Variants in PPP3CB observed in about 807,000 individuals in gnomAD.
PPP3CB encodes serine/threonine-protein phosphatase 2B catalytic subunit beta isoform.
Under a neutral mutation model 66.4 loss-of-function variants are expected in PPP3CB, and 8 were observed. The observed-to-expected ratio is 0.12, with a 90% CI of 0.07 to 0.22. PPP3CB has a LOEUF of 0.22. Among genes scored for constraint, PPP3CB ranks in the 10% least tolerant of loss-of-function variants. The pLI is 1.00. For synonymous variants in PPP3CB, 208 were observed against 221.2 expected (o/e 0.94, Z 0.53); for missense variants, 319 against 642.5 (o/e 0.50, Z 5.44).
chr10:73,440,326 A>C (rs527611212), intron 12 of PPP3CB, among the ~76,000 whole-genome samples: 35 of 152,318 alleles, frequency 2.3e-4, no homozygotes, highest in African/African-American at 7.7e-4. Flanking sequence ...AGCAAACAGA[A>C]AAGTCTTTTC....
At chr10:73,471,236 G>A in intron 5 of PPP3CB, 27 bp from the exon 6 acceptor site, 1 of 1,567,104 alleles carries the variant, frequency 6.4e-7, no homozygotes, top group Non-Finnish European at 8.7e-7. Flanking sequence ...AGAAAGAACA[G>A]AAGTAACTCA....
chr10:73,483,511 C>A (rs1339867009), intron 1 of PPP3CB, among the ~76,000 whole-genome samples: 1 of 151,884 alleles, frequency 6.6e-6, no homozygotes, highest in Non-Finnish European at 1.5e-5. Context: ...AAAAAATTAG[C>A]CAGGCATGGT....
intron 12 of PPP3CB, among the ~76,000 whole-genome samples, chr10:73,441,517 T>A (rs2056148613): frequency 6.6e-6 from 1 of 152,152 alleles, no homozygotes; most frequent in Non-Finnish European, 1.5e-5. Flanking sequence ...AGCAGGAAGA[T>A]CACTTGAGCC....
Position 73,495,839 on chromosome 10 carries a change from CG to C in PPP3CB, c.50del (p.Pro17ArgfsTer22). The C allele has an allele frequency of 3.8e-6, 2 of 521,802 alleles. No homozygotes were observed. Among genetic ancestry groups the C allele is most frequent in the Admixed American group, 3.9e-5 (1 of 25,504 alleles). 32.3% of individuals were successfully genotyped at this position (521,802 alleles called of 1,614,324 possible). ...CGCGGTCAGCCCCGGGAGGGGGCGG[CG>C]GGGGCGGGGGTGGGGGCGGTGCAGC... ...ARAAPPPPPPPPPPPGADRVV... is the reference protein window; with the variant it reads ...ARAAPPPPPPXPPPPGADRVV... On this transcript the variant is annotated frameshift_variant, in exon 1 of 14. Transcript: ENST00000360663. LOFTEE classifies it high-confidence loss of function.
At chr10:73,467,395 C>T in intron 9 of PPP3CB, 158 bp downstream of exon 9, 1 of 478,534 alleles carries the variant, frequency 2.1e-6, no homozygotes. Context: ...ACTAAAATAT[C>T]TTTGAGACTC....
At chr10:73,443,737 G>A (rs1210469565) in intron 12 of PPP3CB, 4 of 152,014 alleles carry the variant, frequency 2.6e-5, no homozygotes, top group East Asian at 1.9e-4. Context: ...AAATATTTAC[G>A]CCAAAAAAAG....
chr10:73,460,231 C>T (rs562928029), intron 9 of PPP3CB, among the ~76,000 whole-genome samples: 8 of 122,066 alleles, frequency 6.6e-5, no homozygotes, highest in Non-Finnish European at 8.0e-5. Flanking sequence ...CATCCAGAAA[C>T]TTGGCTTCTG....
At chr10:73,462,988 T>C (rs931777525) in intron 9 of PPP3CB, among the ~76,000 whole-genome samples, 6 of 103,772 alleles carry the variant, frequency 5.8e-5, no homozygotes, top group African/African-American at 2.1e-4. Context: ...AGGAAGAAAA[T>C]GACATACTGA....
chr10:73,489,429 T>C (rs1179694933), intron 1 of PPP3CB, among the ~76,000 whole-genome samples: 1 of 151,972 alleles, frequency 6.6e-6, no homozygotes, highest in African/African-American at 2.4e-5. Context: ...ATAATAATAA[T>C]AATGGTGATG....
chr10:73,458,615 T>C (rs866584557), intron 9 of PPP3CB, among the ~76,000 whole-genome samples: 1 of 151,506 alleles, frequency 6.6e-6, no homozygotes, highest in African/African-American at 2.4e-5. Context: ...CTGGGCAACA[T>C]GGCGAAACCC....
In PPP3CB at chr10:73,492,189, T is replaced by G. The variant is rs187029642; in HGVS notation, c.85+3616A>C. Among the ~76,000 whole-genome samples the G allele has an allele frequency of 2.0e-5, 3 of 152,266 alleles. No homozygotes were observed. In the East Asian group the frequency reaches 5.8e-4, roughly 29 times the overall value. On this transcript the variant is annotated intron_variant, in intron 1 of 13. Coordinates refer to ENST00000360663, the MANE Select transcript of PPP3CB (RefSeq NM_021132.4). ...TGGTTCAATCTGAAAGTCTGATAAT[T>G]TGAGGTTACTATAACCCATGAAATA... is the stretch of plus-strand genomic sequence containing the variant.
intron 1 of PPP3CB, among the ~76,000 whole-genome samples, chr10:73,489,946 T>TA (rs772634941): frequency 4.5e-4 from 68 of 151,988 alleles, no homozygotes; most frequent in Non-Finnish European, 8.1e-4. Flanking sequence ...TCCCTCAAAG[T>TA]AAGATAGCCA....
Position 73,438,350 on chromosome 10 carries a change from A to G in PPP3CB, c.1467T>C (p.Asn489=). Residue 489 remains asparagine (N), a synonymous_variant, in exon 14 of 14, where the codon AAT becomes AAC. Transcript: ENST00000360663. ...CATCTTTCCGAGGTGGCATTCTCTC[A>G]TTGATCCTATCCAAACCCTTTGCCT... is the stretch of plus-strand genomic sequence containing the variant. ...FEEAKGLDRI[N]ERMPPRKDAV... 6.2e-7 allele frequency: 1 copy of G among 1,613,810 alleles called. No individual in the cohort carries two copies. The highest frequency in any genetic ancestry group is 8.5e-7 in the Non-Finnish European group (1 of 1,179,698).
chr10:73,454,163 CCTTAT>C (rs954919890), intron 10 of PPP3CB, among the ~76,000 whole-genome samples: 5 of 152,112 alleles, frequency 3.3e-5, no homozygotes, highest in African/African-American at 1.2e-4. Context: ...ATTTTCCTTT[CCTTAT>C]CTTCTTTCTT....
At chr10:73,473,008 A>AT (rs2056727846) in intron 4 of PPP3CB, among the ~76,000 whole-genome samples, 1 of 152,188 alleles carries the variant, frequency 6.6e-6, no homozygotes, top group African/African-American at 2.4e-5. Flanking sequence ...TAATATTCAA[A>AT]TATTAAAAAA....
chr10:73,493,678 A>G (rs1246184181), intron 1 of PPP3CB, among the ~76,000 whole-genome samples: 1 of 152,218 alleles, frequency 6.6e-6, no homozygotes, highest in Non-Finnish European at 1.5e-5. Context: ...TGGTTAACAA[A>G]TTCCATAAAG....
intron 9 of PPP3CB, among the ~76,000 whole-genome samples, chr10:73,459,165 C>T (rs748060645): frequency 3.0e-4 from 45 of 151,904 alleles, no homozygotes; most frequent in Non-Finnish European, 2.5e-4. Flanking sequence ...TATGACCCAG[C>T]AATTTCACTC....
rs2056258000 is a variant in PPP3CB, at chr10:73,446,487, A to G, written c.1268+5T>C. The G allele has an allele frequency of 6.2e-7, 1 of 1,601,348 alleles. No individual in the cohort carries two copies. ...AAACAAATAATCAAGAAAATATATCATTACCTGAGAACAGAGAAGACTCTT... is the reference window on the plus strand; with the variant it reads ...AAACAAATAATCAAGAAAATATATCGTTACCTGAGAACAGAGAAGACTCTT... On this transcript the variant is annotated splice_donor_5th_base_variant and intron_variant, in intron 11 of 13. Transcript: ENST00000360663.
Position 73,438,233 on chromosome 10 carries a change from A to C in PPP3CB, c.*9T>G. The stretch of plus-strand genomic sequence containing the variant: ...GCCCGAGATGTGAGAGTCCCTGGGA[A>C]GTAGTGGGTCACTGGGCAGTATGGT... On this transcript the variant is annotated 3_prime_UTR_variant, in exon 14 of 14. Coordinates refer to ENST00000360663, the MANE Select transcript of PPP3CB (RefSeq NM_021132.4). 6.2e-7 allele frequency: 1 copy of C among 1,608,602 alleles called. No homozygotes were observed. The highest frequency in any genetic ancestry group is 8.5e-7 in the Non-Finnish European group (1 of 1,176,144).
Sources: allele counts gnomAD v4.1 joint callset (sites outside exome capture counted in the v4.1 genomes callset), GRCh38; gene constraint gnomAD v4.1.1; transcripts MANE v1.5; gene names NCBI Gene and HGNC (gene_info 2026-07-23, HGNC 2026-07-21).